The following RB1CC1 variants were observed in gnomAD, a reference collection of about 807,000 sequenced individuals.
RB1CC1 encodes RB1 inducible coiled-coil 1.
A neutral mutation model predicts 177.5 loss-of-function variants in RB1CC1; 46 were observed. The ratio of observed to expected loss-of-function variants is 0.26; its 90% CI spans 0.20 to 0.33. The LOEUF (loss-of-function observed/expected upper bound fraction) is 0.33. RB1CC1 is among the 10% of genes least tolerant of loss of function. The pLI, the probability that RB1CC1 is intolerant of heterozygous loss-of-function variation, is 1.00. For synonymous variants in RB1CC1, 666 were observed against 613.6 expected (o/e 1.09, Z -1.26); for missense variants, 1,703 against 1,816.3 (o/e 0.94, Z 1.13).
chr8:52,658,579 G>GAAAAAA (rs67680393), intron 13 of RB1CC1, among the ~76,000 whole-genome samples: 354 of 98,748 alleles, frequency 3.6e-3, no homozygotes, highest in Middle Eastern at 6.7e-3. Flanking sequence ...TCCGTCTCAA[G>GAAAAAA]AAAAAAAAAA....
chr8:52,702,072 T>C lies in RB1CC1; in HGVS notation c.-167+12003A>G, dbSNP rs960871505. 3.9e-5 allele frequency among the ~76,000 whole-genome samples: 6 copies of C among 152,266 alleles called. 1 individual carries two copies. The South Asian group carries it at 6.2e-4, about 16-fold the overall frequency. ...ATCCACCCACCTCGGCCTCCCAAAGTGCTAGGATTACAGGCGTGAGCCACC... is the reference window on the plus strand; with the variant it reads ...ATCCACCCACCTCGGCCTCCCAAAGCGCTAGGATTACAGGCGTGAGCCACC... On this transcript the variant is annotated intron_variant, in intron 1 of 23. Coordinates refer to ENST00000025008, the MANE Select transcript of RB1CC1 (RefSeq NM_014781.5).
chr8:52,673,710 T>C (rs1465120044), intron 7 of RB1CC1, 135 bp downstream of exon 7: 6 of 761,092 alleles, frequency 7.9e-6, no homozygotes, highest in Admixed American at 3.2e-5. Context: ...ATTCAACCTA[T>C]GTTAAAAGTT....
At chr8:52,699,403 T>C (rs1158526788) in intron 1 of RB1CC1, among the ~76,000 whole-genome samples, 1 of 152,162 alleles carries the variant, frequency 6.6e-6, no homozygotes, top group Admixed American at 6.5e-5. Flanking sequence ...GATGGAAGTA[T>C]AGCTAAAACA....
Position 52,623,552 on chromosome 8 carries a change from T to TAAA in RB1CC1, c.*227_*229dup. Reference sequence around the variant, plus strand: ...GTCCGCATTTCTAGAGTTGTCTGGGTAAAAAAAAAAACCAAAAAACAAAAA... The same window carrying TAAA: ...GTCCGCATTTCTAGAGTTGTCTGGGTAAAAAAAAAAAAAACCAAAAAACAAAAA... On this transcript the variant is annotated 3_prime_UTR_variant, in exon 24 of 24. Transcript: ENST00000025008. 2.4e-5 allele frequency: 10 copies of TAAA among 414,288 alleles called. No homozygotes were observed. Among genetic ancestry groups the TAAA allele is most frequent in the Admixed American group, 3.4e-5 (1 of 29,156 alleles). The allele number at this position is 414,288 out of a possible 1,614,324, so 25.7% of individuals were successfully genotyped here.
intron 1 of RB1CC1, among the ~76,000 whole-genome samples, chr8:52,688,259 G>C (rs1301220263): frequency 2.0e-5 from 3 of 152,166 alleles, no homozygotes; most frequent in Non-Finnish European, 4.4e-5. Context: ...CAGGCAAAAA[G>C]AGCCATATTT....
chr8:52,661,810 C>A lies in RB1CC1; in HGVS notation c.1174-91G>T, dbSNP rs549372825. On this transcript the variant is annotated intron_variant, in intron 8 of 23. Transcript: ENST00000025008. ...AAGTGGAAAATCTTTATGTTAAACA[C>A]AACCCGTTTTGTGCCTTCTAACAAT... The A allele has an allele frequency of 1.4e-5, 14 of 999,432 alleles. No individual in the cohort carries two copies. The African/African-American group carries it at 2.2e-4, about 16-fold the overall frequency. The allele number at this position is 999,432 out of a possible 1,614,324, so 61.9% of individuals were successfully genotyped here. A position where few individuals can be genotyped will look rare whatever the true frequency, so the allele number is the denominator to read the frequency against.
chr8:52,690,246 T>C (rs552064631), intron 1 of RB1CC1, among the ~76,000 whole-genome samples: 1 of 152,382 alleles, frequency 6.6e-6, no homozygotes, highest in Non-Finnish European at 1.5e-5. Flanking sequence ...GGAGGCATTT[T>C]GTTTTCTCAG....
chr8:52,698,521 G>C (rs1052732270), intron 1 of RB1CC1, among the ~76,000 whole-genome samples: 1 of 151,636 alleles, frequency 6.6e-6, no homozygotes, highest in African/African-American at 2.4e-5. Flanking sequence ...CACTGTGTTA[G>C]CCAGGGTGGT....
chr8:52,635,103 A>G (rs965104729), intron 19 of RB1CC1, 135 bp from the exon 20 acceptor site: 10 of 721,398 alleles, frequency 1.4e-5, no homozygotes, highest in Admixed American at 1.3e-4. Context: ...ATTATTTTCT[A>G]TGAATTCTTT....
chr8:52,652,512 T>C (rs1850692663), intron 15 of RB1CC1, among the ~76,000 whole-genome samples: 1 of 151,968 alleles, frequency 6.6e-6, no homozygotes, highest in Non-Finnish European at 1.5e-5. Flanking sequence ...ATGAGGTTAT[T>C]TGAAAATGAC....
intron 6 of RB1CC1, among the ~76,000 whole-genome samples, chr8:52,675,496 C>A (rs1853015652): frequency 6.6e-6 from 1 of 151,924 alleles, no homozygotes; most frequent in Non-Finnish European, 1.5e-5. Flanking sequence ...TTAACTACAG[C>A]CCTTTTAAAA....
intron 1 of RB1CC1, among the ~76,000 whole-genome samples, chr8:52,689,203 A>C (rs1460421349): frequency 6.6e-6 from 1 of 152,170 alleles, no homozygotes; most frequent in African/African-American, 2.4e-5. Context: ...TCCTTGCTTT[A>C]ATTTTTCATT....
chr8:52,678,179 G>A (rs913389745), intron 5 of RB1CC1, among the ~76,000 whole-genome samples: 6 of 152,100 alleles, frequency 3.9e-5, no homozygotes, highest in African/African-American at 1.4e-4. Flanking sequence ...AGTACTTTGG[G>A]AGGCTGAGGC....
Position 52,673,854 on chromosome 8 carries a change from A to T in RB1CC1, c.993T>A (p.Ser331=), listed in dbSNP as rs1591046048. The T allele has an allele frequency of 4.4e-6, 7 of 1,607,780 alleles. No homozygotes were observed. In the East Asian group the frequency reaches 1.6e-4, roughly 36 times the overall value. ...VESLVRKCFD[S]MSRLDPRIIR... Reference sequence around the variant, plus strand: ...AATTAACGTTACTTACCCTGCTCATAGAATCAAAGCACTTCCTGACCAAAG... The same window carrying T: ...AATTAACGTTACTTACCCTGCTCATTGAATCAAAGCACTTCCTGACCAAAG... The change falls in exon 7 of 24, where the codon TCT becomes TCA. Residue 331 remains serine (S), a synonymous_variant. Transcript: ENST00000025008.
chr8:52,645,168 A>T (rs545165222), intron 16 of RB1CC1, among the ~76,000 whole-genome samples: 1 of 152,306 alleles, frequency 6.6e-6, no homozygotes, highest in South Asian at 2.1e-4. Flanking sequence ...ACATTAACAA[A>T]ATTCAATAAT....
At chr8:52,687,025 G>A in intron 1 of RB1CC1, 58 bp from the exon 2 acceptor site, 1 of 448,938 alleles carries the variant, frequency 2.2e-6, no homozygotes, top group South Asian at 1.6e-5. Context: ...AACAACATAT[G>A]GCTATTGTTC....
Position 52,683,718 on chromosome 8 carries a change from T to G in RB1CC1, c.200A>C (p.Asp67Ala). Residue 67 changes from aspartate (D) to alanine (A), a missense_variant and splice_region_variant, in exon 5 of 24, where the codon GAT becomes GCT. Coordinates refer to ENST00000025008, the MANE Select transcript of RB1CC1 (RefSeq NM_014781.5). Reference protein sequence around the residue: ...RRVCTYSAGTDTNPIFLFNKE... With the variant: ...RRVCTYSAGTATNPIFLFNKE... Reference sequence around the variant, plus strand: ...GTTAAAAAGAAAAATTGGATTTGTATCCTATATTTTTTAAAAAAGGAGAAA... The same window carrying G: ...GTTAAAAAGAAAAATTGGATTTGTAGCCTATATTTTTTAAAAAAGGAGAAA... 6.4e-7 allele frequency: 1 copy of G among 1,573,568 alleles called. No homozygotes were observed. The highest frequency in any genetic ancestry group is 8.6e-7 in the Non-Finnish European group (1 of 1,160,812).
At chr8:52,626,501 A>C (rs1447555336) in intron 22 of RB1CC1, among the ~76,000 whole-genome samples, 1 of 152,192 alleles carries the variant, frequency 6.6e-6, no homozygotes, top group Non-Finnish European at 1.5e-5. Context: ...CATACACATA[A>C]AAAGATATTG....
intron 15 of RB1CC1, among the ~76,000 whole-genome samples, chr8:52,648,410 T>TA (rs1393077236): frequency 6.6e-6 from 1 of 152,182 alleles, no homozygotes; most frequent in African/African-American, 2.4e-5. Flanking sequence ...ATGGCCCTGC[T>TA]ATCAGGGGAA....
Sources: gnomAD v4.1 joint callset for allele counts (sites outside exome capture counted in the v4.1 genomes callset) on GRCh38, gnomAD v4.1.1 for gene constraint, MANE v1.5 for transcripts, NCBI Gene and HGNC (gene_info 2026-07-23, HGNC 2026-07-21) for gene names.